Variants in RASGRF2 observed in about 807,000 individuals in gnomAD.
The protein encoded by RASGRF2 is ras-specific guanine nucleotide-releasing factor 2.
RASGRF2 carries 76 observed loss-of-function variants against 151.0 expected under a neutral mutation model. The observed-to-expected ratio is 0.50, with a 90% CI of 0.42 to 0.61. The LOEUF (loss-of-function observed/expected upper bound fraction) is 0.61. Among genes scored for constraint, RASGRF2 ranks in the 20% least tolerant of loss-of-function variants. RASGRF2 has a pLI of 0.00. For synonymous variants in RASGRF2, 504 were observed against 566.5 expected (o/e 0.89, Z 1.57); for missense variants, 1,148 against 1,564.6 (o/e 0.73, Z 4.49).
intron 1 of RASGRF2, among the ~76,000 whole-genome samples, chr5:81,003,518 C>T (rs192177237): frequency 1.2e-4 from 18 of 152,192 alleles, no homozygotes; most frequent in South Asian, 2.1e-4. Context: ...CCACTGCGCC[C>T]GGCATGCTAA....
chr5:81,025,952 G>A (rs1387928457), intron 1 of RASGRF2, among the ~76,000 whole-genome samples: 2 of 149,486 alleles, frequency 1.3e-5, no homozygotes, highest in African/African-American at 5.0e-5. Context: ...CTCCCCACAC[G>A]GCCCTTTCGC....
intron 9 of RASGRF2, chr5:81,087,682 C>T (rs1265729803): frequency 5.4e-6 from 2 of 367,278 alleles, no homozygotes; most frequent in African/African-American, 2.0e-5. Flanking sequence ...TTTTTTAGTG[C>T]TTAGGTCCTC....
intron 2 of RASGRF2, among the ~76,000 whole-genome samples, chr5:81,059,840 C>CCAAAAAACAAAAAA (rs149760659): frequency 6.6e-5 from 10 of 150,588 alleles, no homozygotes; most frequent in African/African-American, 2.0e-4. Context: ...GGAGACTCCA[C>CCAAAAAACAAAAAA]CAAAAAACAA....
chr5:81,147,164 G>A (rs34115), intron 17 of RASGRF2, among the ~76,000 whole-genome samples: 102,884 of 152,046 alleles, frequency 0.68, 35,038 homozygotes, highest in East Asian at 0.81. Context: ...ACAAAGTGTC[G>A]CATTACCAAA....
At chr5:80,972,178 G>A (rs1390755529) in intron 1 of RASGRF2, among the ~76,000 whole-genome samples, 1 of 152,148 alleles carries the variant, frequency 6.6e-6, no homozygotes, top group Non-Finnish European at 1.5e-5. Context: ...ACATACATGT[G>A]CATATTTCTG....
chr5:81,092,712 AAACAGACCTTAGTGT>A (rs1489826918), intron 9 of RASGRF2, 74 bp from the exon 10 acceptor site: 7 of 1,258,878 alleles, frequency 5.6e-6, no homozygotes, highest in Non-Finnish European at 7.8e-6. Flanking sequence ...GTATTTTGGG[AAACAGACCTTAGTGT>A]TTATTGCCGT....
chr5:81,199,477 T>C (rs1755338952), intron 18 of RASGRF2, among the ~76,000 whole-genome samples: 1 of 152,216 alleles, frequency 6.6e-6, no homozygotes. Context: ...TTGTAATTAA[T>C]AAGTAATCTC....
chr5:81,009,642 G>A (rs1749391869), intron 1 of RASGRF2, among the ~76,000 whole-genome samples: 1 of 152,100 alleles, frequency 6.6e-6, no homozygotes. Flanking sequence ...GATTTATAAG[G>A]AATAATTAAA....
chr5:81,022,151 G>C (rs985695018), intron 1 of RASGRF2, among the ~76,000 whole-genome samples: 1 of 152,188 alleles, frequency 6.6e-6, no homozygotes, highest in Admixed American at 6.5e-5. Context: ...CTCTCCCTCA[G>C]TAGCTGCAGG....
At chr5:80,996,724 C>G (rs1464194580) in intron 1 of RASGRF2, among the ~76,000 whole-genome samples, 1 of 150,742 alleles carries the variant, frequency 6.6e-6, no homozygotes, top group African/African-American at 2.4e-5. Context: ...CTCAGGCTCC[C>G]AAGTAGCTGG....
In RASGRF2 at chr5:80,960,923, C is replaced by G; in HGVS notation, c.185C>G (p.Pro62Arg). The stretch of plus-strand genomic sequence containing the variant: ...TTCGAGGGCGAGCAGAGCTGCCGCC[C>G]GGCGGGCATGTACCTCCTGGAGGGC... ...FYFEGEQSCR[P>R]AGMYLLEGCS... Residue 62 changes from proline (P) to arginine (R), a missense_variant, in exon 1 of 27, where the codon CCG (proline) becomes CGG (arginine). This residue lies in a region of RASGRF2 where 221 missense variants were observed against 271.3 expected (regional missense o/e 0.81). Coordinates refer to ENST00000265080, the MANE Select transcript of RASGRF2 (RefSeq NM_006909.3). This position sits in a 1 kb window ranked among gnomAD's most constrained non-coding sequence, Gnocchi z 5.5. 6.3e-7 allele frequency: 1 copy of G among 1,598,864 alleles called. No individual in the cohort carries two copies. Among genetic ancestry groups the G allele is most frequent in the Non-Finnish European group, 8.5e-7 (1 of 1,169,596 alleles).
intron 1 of RASGRF2, among the ~76,000 whole-genome samples, chr5:80,977,709 G>A (rs998152174): frequency 1.3e-5 from 2 of 152,148 alleles, no homozygotes; most frequent in East Asian, 1.9e-4. Flanking sequence ...CGCCTGCTTC[G>A]GCCTCCCAAA....
intron 17 of RASGRF2, among the ~76,000 whole-genome samples, chr5:81,165,663 A>C (rs957425632): frequency 6.6e-6 from 1 of 152,162 alleles, no homozygotes; most frequent in Non-Finnish European, 1.5e-5. Flanking sequence ...ATGCTGCTCT[A>C]GGCCATGTGT....
intron 18 of RASGRF2, among the ~76,000 whole-genome samples, chr5:81,184,259 T>C (rs1263528736): frequency 6.6e-6 from 1 of 152,220 alleles, no homozygotes; most frequent in East Asian, 1.9e-4. Context: ...CATCTCCTGC[T>C]GGGAGGCCTT....
intron 17 of RASGRF2, among the ~76,000 whole-genome samples, chr5:81,133,969 A>G (rs1753688115): frequency 6.6e-6 from 1 of 152,030 alleles, no homozygotes. Flanking sequence ...ATCTGGTCCT[A>G]TACCTAAAGA....
chr5:81,219,924 TAAAAA>T (rs34019036), intron 26 of RASGRF2, 146 bp downstream of exon 26: 8 of 367,150 alleles, frequency 2.2e-5, no homozygotes, highest in East Asian at 4.3e-5. Flanking sequence ...CTAGTCTGAT[TAAAAA>T]AAAAAAAAAA....
At chr5:81,025,058 G>A (rs1749971436) in intron 1 of RASGRF2, among the ~76,000 whole-genome samples, 1 of 152,160 alleles carries the variant, frequency 6.6e-6, no homozygotes, top group Non-Finnish European at 1.5e-5. Flanking sequence ...CCCCTTTCAA[G>A]AAGCAGGACA....
intron 1 of RASGRF2, among the ~76,000 whole-genome samples, chr5:81,038,610 A>C (rs887203390): frequency 4.8e-5 from 5 of 104,558 alleles, no homozygotes; most frequent in African/African-American, 1.9e-4. Flanking sequence ...GGGTCTCTCT[A>C]TGTTGCCTAG....
intron 2 of RASGRF2, among the ~76,000 whole-genome samples, chr5:81,057,080 A>G (rs1472008748): frequency 6.6e-6 from 1 of 152,106 alleles, no homozygotes; most frequent in African/African-American, 2.4e-5. Flanking sequence ...TGTTGACTCT[A>G]TCCAATTTGC....
Sources: gnomAD v4.1 joint callset for allele counts (sites outside exome capture counted in the v4.1 genomes callset) on GRCh38, gnomAD v4.1.1 for gene constraint, gnomAD v4.1.1 regional missense constraint, Gnocchi (gnomAD v3.1) non-coding constraint, MANE v1.5 for transcripts, NCBI Gene and HGNC (gene_info 2026-07-23, HGNC 2026-07-21) for gene names.